The following PHF24 variants were observed in gnomAD, a reference collection of about 807,000 sequenced individuals.
The protein encoded by PHF24 is PHD finger protein 24, also known as Galpha inhibitory interacting protein.
A neutral mutation model predicts 42.6 loss-of-function variants in PHF24; 25 were observed. The observed-to-expected ratio is 0.59, with a 90% CI of 0.43 to 0.82. The LOEUF is 0.82. Ranked by LOEUF, PHF24 falls within the 40% of genes least tolerant of loss-of-function variation. The probability of loss-of-function intolerance (pLI) is 0.00; values close to 1 mark genes in which losing one functional copy is unlikely to be tolerated. For synonymous variants in PHF24, 185 were observed against 204.8 expected (o/e 0.90, Z 0.83); for missense variants, 470 against 538.1 (o/e 0.87, Z 1.25).
At chr9:34,828,378 G>C in the PHF24 span, among the ~76,000 whole-genome samples, 1 of 151,954 alleles carries the variant, frequency 6.6e-6, no homozygotes, top group Admixed American at 6.6e-5. Context: ...TTCCTCATCA[G>C]TTTATCCCTC....
the PHF24 span, among the ~76,000 whole-genome samples, chr9:34,897,340 A>AAAG: frequency 2.1e-4 from 32 of 152,198 alleles, no homozygotes; most frequent in South Asian, 2.1e-4. Flanking sequence ...ATCTAGTTTC[A>AAAG]AAGACAAGGC....
the PHF24 span, among the ~76,000 whole-genome samples, chr9:34,752,627 A>C: frequency 6.6e-6 from 1 of 152,156 alleles, no homozygotes; most frequent in Admixed American, 6.5e-5. Context: ...ACTAATACCA[A>C]TCCTACTCAA....
At chr9:34,945,446 G>C in the PHF24 span, among the ~76,000 whole-genome samples, 1 of 152,204 alleles carries the variant, frequency 6.6e-6, no homozygotes, top group Non-Finnish European at 1.5e-5. Flanking sequence ...GTCCTGTGTA[G>C]GTGAGACAGA....
chr9:34,864,174 A>C, the PHF24 span, among the ~76,000 whole-genome samples: 1 of 152,260 alleles, frequency 6.6e-6, no homozygotes, highest in Non-Finnish European at 1.5e-5. Flanking sequence ...CAGAAGGGCA[A>C]ATCTGAGTTA....
the PHF24 span, among the ~76,000 whole-genome samples, chr9:34,943,725 A>G: frequency 2.6e-5 from 4 of 152,286 alleles, no homozygotes; most frequent in African/African-American, 9.6e-5. Context: ...ATTATGCTCT[A>G]TTACCATCTC....
chr9:34,976,728 G>C lies in PHF24; in HGVS notation c.837G>C (p.Gln279His), dbSNP rs371210263. The C allele has an allele frequency of 3.4e-5, 55 of 1,613,500 alleles. No individual in the cohort carries two copies. In the East Asian group the frequency reaches 1.2e-3, roughly 35 times the overall value. Residue 279 changes from glutamine (Q) to histidine (H), a missense_variant, in exon 5 of 8, where the codon CAG becomes CAC. By Grantham distance (24) the Gln-to-His change is conservative. Transcript: ENST00000242315. ...ATGAGTCCCTCCTGCTTCTGCAGCA[G>C]TTGCGTCCCCAGGTGAGGGCCAGTT...
chr9:34,798,326 A>G, the PHF24 span, among the ~76,000 whole-genome samples: 1 of 152,272 alleles, frequency 6.6e-6, no homozygotes, highest in African/African-American at 2.4e-5. Context: ...AATAGTGAAT[A>G]TAGTACCTAA....
the PHF24 span, among the ~76,000 whole-genome samples, chr9:34,669,546 G>A: frequency 6.6e-6 from 1 of 151,364 alleles, no homozygotes; most frequent in Non-Finnish European, 1.5e-5. Flanking sequence ...GAGACTGTGT[G>A]TGAGGTTGGA....
At chr9:34,675,395 T>A in the PHF24 span, among the ~76,000 whole-genome samples, 1 of 152,246 alleles carries the variant, frequency 6.6e-6, no homozygotes, top group Non-Finnish European at 1.5e-5. Flanking sequence ...GGGCTGGAAA[T>A]GAGCAAGAAA....
the PHF24 span, among the ~76,000 whole-genome samples, chr9:34,811,596 G>T: frequency 6.6e-6 from 1 of 152,100 alleles, no homozygotes; most frequent in Non-Finnish European, 1.5e-5. Flanking sequence ...TAAATTTCTT[G>T]TTCTGTTATA....
chr9:34,668,816 A>G, the PHF24 span, among the ~76,000 whole-genome samples: 6 of 152,226 alleles, frequency 3.9e-5, no homozygotes, highest in African/African-American at 1.4e-4. Context: ...TCACAGGTGC[A>G]GGACAATAGA....
the PHF24 span, chr9:34,709,494 C>T: frequency 4.1e-5 from 66 of 1,613,980 alleles, no homozygotes; most frequent in East Asian, 1.4e-3. Flanking sequence ...CCCTCAGATT[C>T]CTCACCTCTT....
chr9:34,672,302 G>C, the PHF24 span, among the ~76,000 whole-genome samples: 1 of 152,154 alleles, frequency 6.6e-6, no homozygotes, highest in African/African-American at 2.4e-5. Context: ...CAGTTAACCA[G>C]AGCTTTCTAT....
chr9:34,835,834 T>G, the PHF24 span: 27 of 1,391,118 alleles, frequency 1.9e-5, no homozygotes, highest in Non-Finnish European at 2.6e-5. Flanking sequence ...ATTTCTGGAA[T>G]GGAGCTCTAT....
At chr9:34,893,118 G>T in the PHF24 span, 1 of 839,034 alleles carries the variant, frequency 1.2e-6, no homozygotes, top group Non-Finnish European at 1.7e-6. Flanking sequence ...CACAGGATTC[G>T]CCGCACACTT....
chr9:34,882,833 T>C, the PHF24 span, among the ~76,000 whole-genome samples: 1 of 152,158 alleles, frequency 6.6e-6, no homozygotes, highest in Non-Finnish European at 1.5e-5. Flanking sequence ...AAGCTACCAA[T>C]GACTTTCTTC....
the PHF24 span, among the ~76,000 whole-genome samples, chr9:34,947,333 CA>C: frequency 6.6e-6 from 1 of 152,180 alleles, no homozygotes; most frequent in Non-Finnish European, 1.5e-5. Flanking sequence ...CACCTAGTGA[CA>C]CTATAGCCAC....
At chr9:34,895,994 C>T in the PHF24 span, among the ~76,000 whole-genome samples, 4 of 152,160 alleles carry the variant, frequency 2.6e-5, no homozygotes, top group African/African-American at 9.7e-5. Flanking sequence ...ATGCCAAGGT[C>T]ATGGGCAACA....
At chr9:34,916,989 A>C in the PHF24 span, among the ~76,000 whole-genome samples, 1 of 152,236 alleles carries the variant, frequency 6.6e-6, no homozygotes, top group Non-Finnish European at 1.5e-5. Flanking sequence ...TGAGTAAAAA[A>C]CTTAGAAACT....
Sources: allele counts gnomAD v4.1 joint callset (sites outside exome capture counted in the v4.1 genomes callset), GRCh38; gene constraint gnomAD v4.1.1; transcripts MANE v1.5; gene names NCBI Gene and HGNC (gene_info 2026-07-23, HGNC 2026-07-21).